ZNF701: variants seen among roughly 807,000 people sequenced by gnomAD.
ZNF701 encodes the protein zinc finger protein 701.
In ZNF701, 6 loss-of-function variants were observed where a neutral mutation model predicts 7.1. The ratio of observed to expected loss-of-function variants is 0.84; its 90% CI spans 0.46 to 1.66. The LOEUF (loss-of-function observed/expected upper bound fraction) is 1.66. ZNF701 is among the 40% of genes most tolerant of loss of function. ZNF701 has a pLI of 0.01. For missense variants in ZNF701, 541 were observed against 559.2 expected (o/e 0.97, Z 0.33); for synonymous variants, 166 against 188.2 (o/e 0.88, Z 0.97).
chr19:52,583,821 A>T lies in ZNF701; in HGVS notation c.*364A>T. 1.8e-6 allele frequency: 1 copy of T among 570,846 alleles called. No individual in the cohort carries two copies. Among genetic ancestry groups the T allele is most frequent in the Admixed American group, 2.5e-5 (1 of 40,380 alleles). The allele number at this position is 570,846 out of a possible 1,614,324, so 35.4% of individuals were successfully genotyped here. A position where few individuals can be genotyped will look rare whatever the true frequency, so the allele number is the denominator to read the frequency against. Reference sequence around the variant, plus strand: ...TAATGATTGTCACAAAGTCTTCAGTAATATTACAGCCATTGCAAAACATTG... The same window carrying T: ...TAATGATTGTCACAAAGTCTTCAGTTATATTACAGCCATTGCAAAACATTG... On this transcript the variant is annotated 3_prime_UTR_variant, in exon 4 of 4. Transcript: ENST00000391785.
chr19:52,600,073 CTT>C, the ZNF701 span, among the ~76,000 whole-genome samples: 2 of 152,180 alleles, frequency 1.3e-5, no homozygotes, highest in East Asian at 3.9e-4. Flanking sequence ...ATTTCAAACT[CTT>C]AGCTCTTTTC....
chr19:52,578,788 T>G (rs8111002), intron 3 of ZNF701, among the ~76,000 whole-genome samples: 3,452 of 152,278 alleles, frequency 0.023, 115 homozygotes, highest in African/African-American at 0.078. Context: ...AACGGAGTCT[T>G]GCTCTGTCGC....
intron 2 of ZNF701, among the ~76,000 whole-genome samples, chr19:52,575,130 C>T (rs144035111): frequency 2.1e-4 from 32 of 152,118 alleles, no homozygotes; most frequent in African/African-American, 6.7e-4. Flanking sequence ...CCACCACGCC[C>T]GGATAATTTT....
At chr19:52,589,308 A>G (rs776100728), downstream of ZNF701, among the ~76,000 whole-genome samples, 3 of 152,188 alleles carry the variant, frequency 2.0e-5, no homozygotes, top group Non-Finnish European at 2.9e-5. Context: ...AGTAGATGTC[A>G]TTAATCATGG....
At chr19:52,575,152 G>A (rs1432952103) in intron 2 of ZNF701, among the ~76,000 whole-genome samples, 1 of 152,048 alleles carries the variant, frequency 6.6e-6, no homozygotes, top group Non-Finnish European at 1.5e-5. Context: ...GTATTTTTTA[G>A]TAGAGACGGG....
At chr19:52,593,877 G>A in the ZNF701 span, among the ~76,000 whole-genome samples, 4 of 116,448 alleles carry the variant, frequency 3.4e-5, 1 homozygote, top group Non-Finnish European at 7.4e-5. Context: ...CAGACGATGG[G>A]CGGCCAGGCA....
At chr19:52,577,690 G>C (rs1310452236) in intron 3 of ZNF701, among the ~76,000 whole-genome samples, 1 of 152,018 alleles carries the variant, frequency 6.6e-6, no homozygotes, top group Non-Finnish European at 1.5e-5. Flanking sequence ...TGTCTGGGAA[G>C]GCACCCGTTA....
chr19:52,583,215 G>A lies in ZNF701; in HGVS notation c.1156G>A (p.Glu386Lys). 1 of 1,610,504 alleles carries A rather than the reference G, an allele frequency of 6.2e-7. No individual in the cohort carries two copies. ...TGGAGAGAAACCTTACAAGTGTAAT[G>A]AGTGTGGCAAGACCTTTGTTCAAAA... ...HTGEKPYKCN[E>K]CGKTFVQNSS... The change falls in exon 4 of 4, where the codon GAG (glutamate) becomes AAG (lysine). Residue 386 changes from glutamate (E) to lysine (K), a missense_variant. Physicochemically the swap from Glu to Lys is moderately conservative, Grantham distance 56. Coordinates refer to ENST00000391785, the MANE Select transcript of ZNF701 (RefSeq NM_018260.3).
downstream of ZNF701, among the ~76,000 whole-genome samples, chr19:52,590,002 C>G (rs1448586967): frequency 6.6e-6 from 1 of 152,052 alleles, no homozygotes; most frequent in Non-Finnish European, 1.5e-5. Context: ...CTATGTTGGT[C>G]AGGCTGGTCT....
the ZNF701 span, among the ~76,000 whole-genome samples, chr19:52,595,464 G>T: frequency 6.6e-6 from 1 of 151,884 alleles, no homozygotes; most frequent in Non-Finnish European, 1.5e-5. Flanking sequence ...TACAGATAGG[G>T]TTTCACCATG....
At chr19:52,592,268 T>TG in the ZNF701 span, 3 of 1,534,776 alleles carry the variant, frequency 2.0e-6, no homozygotes, top group African/African-American at 4.1e-5. Context: ...AATCTGCCCT[T>TG]GTCTATCTTG....
Position 52,583,325 on chromosome 19 carries a change from A to T in ZNF701, c.1266A>T (p.Lys422Asn), listed in dbSNP as rs1450914527. The change falls in exon 4 of 4, where the codon AAA becomes AAT. Residue 422 changes from lysine to asparagine, a missense_variant. By Grantham distance (94) the Lys-to-Asn change is moderately conservative. Transcript: ENST00000391785. ...CNECGKVFNH[K>N]SNLACHRRLH... ...AATGTGGCAAGGTTTTTAATCACAA[A>T]TCAAACCTTGCATGTCATCGTAGAC... 6.2e-7 allele frequency: 1 copy of T among 1,604,614 alleles called. No individual in the cohort carries two copies. Among genetic ancestry groups the T allele is most frequent in the East Asian group, 2.2e-5 (1 of 44,694 alleles).
intron 3 of ZNF701, among the ~76,000 whole-genome samples, chr19:52,581,194 G>C (rs2059973226): frequency 6.6e-6 from 1 of 152,218 alleles, no homozygotes; most frequent in East Asian, 1.9e-4. Context: ...AGATAATTTT[G>C]TAACAGTTAT....
chr19:52,588,621 G>A, downstream of ZNF701: 2 of 376,320 alleles, frequency 5.3e-6, no homozygotes. Flanking sequence ...CAGGTAAAGT[G>A]ATATTCCTCG....
the ZNF701 span, chr19:52,595,523 T>G: frequency 0.48 from 225,187 of 473,420 alleles, 54,088 homozygotes; most frequent in Middle Eastern, 0.55. Flanking sequence ...ACCTGCCTCG[T>G]CCTCCCAAAG....
chr19:52,574,094 T>G lies in ZNF701; in HGVS notation c.-54T>G. The stretch of plus-strand genomic sequence containing the variant: ...ACATTCAGGATTGACTTCTAAAGAC[T>G]TGGTACGTGAGGAAAAAACACGGAA... On this transcript the variant is annotated 5_prime_UTR_variant, in exon 2 of 4. Transcript: ENST00000391785. 1 of 1,612,218 alleles carries G rather than the reference T, an allele frequency of 6.2e-7. No homozygotes were observed. Among genetic ancestry groups the G allele is most frequent in the Non-Finnish European group, 8.5e-7 (1 of 1,179,328 alleles).
At chr19:52,578,608 A>G (rs2059953278) in intron 3 of ZNF701, among the ~76,000 whole-genome samples, 1 of 152,244 alleles carries the variant, frequency 6.6e-6, no homozygotes, top group East Asian at 1.9e-4. Flanking sequence ...GCAGGGCTGG[A>G]CCCTACACCA....
chr19:52,582,413 G>A lies in ZNF701; in HGVS notation c.354G>A (p.Lys118=), dbSNP rs12460426. 1.2e-6 allele frequency: 2 copies of A among 1,613,366 alleles called. No homozygotes were observed. The highest frequency in any genetic ancestry group is 1.7e-4 in the Middle Eastern group (1 of 6,052). Residue 118 remains lysine, a synonymous_variant, in exon 4 of 4, where the codon AAG becomes AAA. Transcript: ENST00000391785. ...AAGCACTCATGACAAAAACCAAAAA[G>A]TTGATGAGTAGTACAGAGCGACATG... The part of the protein sequence containing the change: ...GHEALMTKTK[K]LMSSTERHDQ...
the ZNF701 span, among the ~76,000 whole-genome samples, chr19:52,594,642 C>T: frequency 6.6e-6 from 1 of 151,922 alleles, no homozygotes; most frequent in Non-Finnish European, 1.5e-5. Flanking sequence ...ACCTGCCTAG[C>T]AGCTGGGATT....
Sources: allele counts gnomAD v4.1 joint callset (sites outside exome capture counted in the v4.1 genomes callset), GRCh38; gene constraint gnomAD v4.1.1; transcripts MANE v1.5; gene names NCBI Gene and HGNC (gene_info 2026-07-23, HGNC 2026-07-21).